ZSCAN25: variants seen among roughly 807,000 people sequenced by gnomAD.
ZSCAN25 encodes zinc finger and SCAN domain-containing protein 25.
A neutral mutation model predicts 38.7 loss-of-function variants in ZSCAN25; 27 were observed. That is an observed-to-expected ratio of 0.70 (90% CI 0.51 to 0.96). The LOEUF is 0.96. Among genes scored for constraint, ZSCAN25 ranks in the 40% least tolerant of loss-of-function variants. The pLI is 0.00. For missense variants in ZSCAN25, 637 were observed against 705.9 expected, an observed-to-expected ratio of 0.90 and a Z score of 1.11; for synonymous variants, 273 against 277.7, an observed-to-expected ratio of 0.98 and a Z score of 0.17.
chr7:99,717,487 T>G, the ZSCAN25 span: 2 of 1,611,090 alleles, frequency 1.2e-6, no homozygotes, highest in Non-Finnish European at 1.7e-6. Context: ...CCTGATTCAT[T>G]CTTTAAGTTT....
the ZSCAN25 span, chr7:99,685,174 A>C: frequency 6.2e-7 from 1 of 1,612,806 alleles, no homozygotes. Flanking sequence ...CCTTGACTCA[A>C]CCTTTAGAAC....
chr7:99,701,749 G>T, the ZSCAN25 span, among the ~76,000 whole-genome samples: 1 of 152,210 alleles, frequency 6.6e-6, no homozygotes, highest in Non-Finnish European at 1.5e-5. Flanking sequence ...CTTCTTTTGA[G>T]AAATGTCTGT....
downstream of ZSCAN25, among the ~76,000 whole-genome samples, chr7:99,632,994 T>C (rs1358202965): frequency 6.6e-6 from 1 of 150,572 alleles, no homozygotes; most frequent in East Asian, 2.0e-4. Flanking sequence ...CTGTTGTTTT[T>C]TTTTTTTTTG....
the ZSCAN25 span, chr7:99,695,641 T>G: frequency 2.1e-6 from 2 of 931,318 alleles, no homozygotes; most frequent in Non-Finnish European, 3.3e-6. Context: ...TTTCTGAAAG[T>G]GTAAAACCTC....
At chr7:99,709,413 A>T in the ZSCAN25 span, 2 of 1,240,072 alleles carry the variant, frequency 1.6e-6, no homozygotes, top group Non-Finnish European at 2.3e-6. Flanking sequence ...AATAACTGTC[A>T]TGCCCTTTGA....
At chr7:99,722,687 G>T in the ZSCAN25 span, among the ~76,000 whole-genome samples, 1 of 152,170 alleles carries the variant, frequency 6.6e-6, no homozygotes, top group African/African-American at 2.4e-5. Context: ...ACCTCTAGGG[G>T]CATGTGGAGA....
chr7:99,672,415 T>C, the ZSCAN25 span, among the ~76,000 whole-genome samples: 6 of 152,136 alleles, frequency 3.9e-5, no homozygotes, highest in Admixed American at 3.9e-4. Context: ...TATATTGCAA[T>C]ATACAAGATT....
chr7:99,710,753 A>G, the ZSCAN25 span: 7 of 1,613,904 alleles, frequency 4.3e-6, no homozygotes, highest in Middle Eastern at 1.7e-4. Context: ...AAACTGTATC[A>G]ATTTCCTTCT....
chr7:99,734,626 C>CTT, the ZSCAN25 span, among the ~76,000 whole-genome samples: 8 of 140,940 alleles, frequency 5.7e-5, no homozygotes, highest in Admixed American at 1.4e-4. Context: ...TTTTTTTTCT[C>CTT]TTTTTTTTTT....
chr7:99,697,339 G>T, the ZSCAN25 span, among the ~76,000 whole-genome samples: 1 of 152,172 alleles, frequency 6.6e-6, no homozygotes, highest in African/African-American at 2.4e-5. Flanking sequence ...TTACTGAGGG[G>T]TGGAAGACTG....
chr7:99,729,365 G>T, the ZSCAN25 span, among the ~76,000 whole-genome samples: 5 of 152,138 alleles, frequency 3.3e-5, no homozygotes, highest in African/African-American at 1.2e-4. Context: ...TCTTTAAGGT[G>T]TCCACATGGC....
the ZSCAN25 span, among the ~76,000 whole-genome samples, chr7:99,709,620 AAG>A: frequency 2.0e-5 from 3 of 152,214 alleles, no homozygotes; most frequent in Non-Finnish European, 2.9e-5. Context: ...CCATTCAAAA[AAG>A]AGGTTACACG....
the ZSCAN25 span, among the ~76,000 whole-genome samples, chr7:99,648,605 A>C: frequency 6.6e-6 from 1 of 152,188 alleles, no homozygotes; most frequent in Non-Finnish European, 1.5e-5. Flanking sequence ...ATCGTTTAAC[A>C]AAATATTTAT....
the ZSCAN25 span, among the ~76,000 whole-genome samples, chr7:99,735,485 TC>T: frequency 1.3e-5 from 2 of 152,198 alleles, no homozygotes. Flanking sequence ...TCCTCTTGTC[TC>T]TATGGCTGTC....
At chr7:99,632,986 G>GTTTTTTTTTTTTTTT (rs201141594), downstream of ZSCAN25, among the ~76,000 whole-genome samples, 10 of 141,524 alleles carry the variant, frequency 7.1e-5, no homozygotes, top group East Asian at 1.1e-3. Flanking sequence ...TGCATTTTCT[G>GTTTTTTTTTTTTTTT]TTGTTTTTTT....
the ZSCAN25 span, among the ~76,000 whole-genome samples, chr7:99,722,726 G>A: frequency 3.5e-4 from 54 of 152,284 alleles, no homozygotes; most frequent in East Asian, 2.3e-3. Context: ...GTGAGTGAGC[G>A]CCAGAAGGGA....
chr7:99,714,382 C>A, the ZSCAN25 span, among the ~76,000 whole-genome samples: 1 of 152,258 alleles, frequency 6.6e-6, no homozygotes, highest in Admixed American at 6.5e-5. Flanking sequence ...TATCTCCTTC[C>A]TCAAACTCCA....
At chr7:99,716,477 A>C in the ZSCAN25 span, among the ~76,000 whole-genome samples, 3 of 152,204 alleles carry the variant, frequency 2.0e-5, no homozygotes, top group African/African-American at 7.2e-5. Context: ...CCCTGATGGC[A>C]GAATTATTTT....
the ZSCAN25 span, among the ~76,000 whole-genome samples, chr7:99,668,287 G>T: frequency 6.6e-6 from 1 of 152,128 alleles, no homozygotes; most frequent in Non-Finnish European, 1.5e-5. Context: ...AAAAGCTAAA[G>T]AAATGGAGAG....
Sources: allele counts gnomAD v4.1 joint callset (sites outside exome capture counted in the v4.1 genomes callset), GRCh38; gene constraint gnomAD v4.1.1; transcripts MANE v1.5; gene names NCBI Gene and HGNC (gene_info 2026-07-23, HGNC 2026-07-21).